CEP63: variants seen among roughly 807,000 people sequenced by gnomAD.
The protein encoded by CEP63 is centrosomal protein 63, also known as centrosomal protein of 63 kDa.
Under a neutral mutation model 89.1 loss-of-function variants are expected in CEP63, and 84 were observed. The ratio of observed to expected loss-of-function variants is 0.94; its 90% confidence interval spans 0.79 to 1.13. CEP63 has a LOEUF of 1.13. Among genes scored for constraint, CEP63 ranks in the 50% most tolerant of loss-of-function variants. The pLI, the probability that CEP63 is intolerant of heterozygous loss-of-function variation, is 0.00. For missense variants in CEP63, 838 were observed against 813.3 expected, an observed-to-expected ratio of 1.03 and a Z score of -0.37; for synonymous variants, 267 against 272.5, an observed-to-expected ratio of 0.98 and a Z score of 0.20.
the CEP63 span, among the ~76,000 whole-genome samples, chr3:134,769,486 T>G: frequency 6.6e-6 from 1 of 152,212 alleles, no homozygotes; most frequent in Admixed American, 6.5e-5. Context: ...ACCAATTTAC[T>G]TAAAATTTCT....
chr3:134,486,390 C>T, intron 1 of CEP63, 188 bp downstream of exon 1: 1 of 985,518 alleles, frequency 1.0e-6, no homozygotes, highest in Non-Finnish European at 1.2e-6. Context: ...AGGCGCGTCC[C>T]CGCCGGCTTG....
chr3:134,697,734 G>A, the CEP63 span, among the ~76,000 whole-genome samples: 152,304 of 152,338 alleles, frequency 1, 76,135 homozygotes, highest in Non-Finnish European at 1. Context: ...TCCCACGTTC[G>A]TGTCAACTGT....
chr3:134,775,807 G>T, the CEP63 span, among the ~76,000 whole-genome samples: 1 of 152,090 alleles, frequency 6.6e-6, no homozygotes, highest in African/African-American at 2.4e-5. Flanking sequence ...AGACAGTGAC[G>T]CTTCTCTCTC....
the CEP63 span, among the ~76,000 whole-genome samples, chr3:134,757,914 G>A: frequency 2.0e-5 from 3 of 152,094 alleles, no homozygotes; most frequent in African/African-American, 7.2e-5. Flanking sequence ...AGCAGAGAAG[G>A]TGCAGCCAGG....
At chr3:134,534,463 A>G (rs1255951198) in intron 5 of CEP63, among the ~76,000 whole-genome samples, 1 of 152,170 alleles carries the variant, frequency 6.6e-6, no homozygotes, top group Non-Finnish European at 1.5e-5. Flanking sequence ...ATCATTAACC[A>G]TCCCTTAAAA....
At chr3:134,769,028 A>C in the CEP63 span, among the ~76,000 whole-genome samples, 11,984 of 152,202 alleles carry the variant, frequency 0.079, 725 homozygotes, top group South Asian at 0.29. Flanking sequence ...CTATAACCTG[A>C]AGGAACCGGT....
the CEP63 span, among the ~76,000 whole-genome samples, chr3:134,741,134 C>T: frequency 6.6e-6 from 1 of 152,122 alleles, no homozygotes; most frequent in Non-Finnish European, 1.5e-5. Flanking sequence ...GCTCCTATGT[C>T]CCCACTCAGT....
chr3:134,724,609 A>G, the CEP63 span, among the ~76,000 whole-genome samples: 1 of 152,256 alleles, frequency 6.6e-6, no homozygotes, highest in Non-Finnish European at 1.5e-5. Context: ...TCTTCTGGCT[A>G]TTAGGCATAT....
At chr3:134,635,646 G>T in the CEP63 span, among the ~76,000 whole-genome samples, 3 of 152,150 alleles carry the variant, frequency 2.0e-5, no homozygotes, top group South Asian at 6.2e-4. Context: ...TCTGATGATG[G>T]TAACCACCAT....
the CEP63 span, among the ~76,000 whole-genome samples, chr3:134,652,353 C>A: frequency 1.3e-5 from 2 of 152,132 alleles, no homozygotes; most frequent in Admixed American, 6.5e-5. Flanking sequence ...GATGTCACAG[C>A]CACACTCTGA....
chr3:134,724,428 G>A, the CEP63 span, among the ~76,000 whole-genome samples: 1 of 152,160 alleles, frequency 6.6e-6, no homozygotes, highest in African/African-American at 2.4e-5. Context: ...GTCATTGCTG[G>A]CCATGTTGGT....
chr3:134,659,783 T>C, the CEP63 span, among the ~76,000 whole-genome samples: 2 of 152,138 alleles, frequency 1.3e-5, no homozygotes, highest in Non-Finnish European at 2.9e-5. Context: ...GCCTTTTGAT[T>C]ATTACTGTCG....
downstream of CEP63, among the ~76,000 whole-genome samples, chr3:134,579,337 A>G (rs1958291221): frequency 6.6e-6 from 1 of 152,106 alleles, no homozygotes; most frequent in African/African-American, 2.4e-5. Flanking sequence ...TGCTGGGTTT[A>G]TGTTTAACTT....
downstream of CEP63, among the ~76,000 whole-genome samples, chr3:134,588,164 G>A (rs369685105): frequency 4.3e-4 from 65 of 152,136 alleles, no homozygotes; most frequent in African/African-American, 1.3e-3. Context: ...GTGGTGGCAC[G>A]TACCTGTAAT....
At chr3:134,759,522 A>G in the CEP63 span, among the ~76,000 whole-genome samples, 6 of 152,236 alleles carry the variant, frequency 3.9e-5, no homozygotes, top group Non-Finnish European at 8.8e-5. Context: ...TTTGACCTGT[A>G]GCACCTGGAT....
chr3:134,598,304 C>T, the CEP63 span, among the ~76,000 whole-genome samples: 2 of 152,118 alleles, frequency 1.3e-5, no homozygotes, highest in Admixed American at 6.5e-5. Context: ...GACTGGGTGG[C>T]CTTGGCACCT....
the CEP63 span, among the ~76,000 whole-genome samples, chr3:134,736,489 T>C: frequency 6.6e-6 from 1 of 152,126 alleles, no homozygotes; most frequent in Non-Finnish European, 1.5e-5. Flanking sequence ...GTACAAAAAT[T>C]AGATGCACTC....
chr3:134,566,788 G>A (rs963854221), downstream of CEP63, among the ~76,000 whole-genome samples: 2 of 152,160 alleles, frequency 1.3e-5, no homozygotes, highest in African/African-American at 2.4e-5. Context: ...AAGTGTTGAA[G>A]ATGATGTGGA....
the CEP63 span, among the ~76,000 whole-genome samples, chr3:134,605,347 G>A: frequency 2.6e-5 from 4 of 152,098 alleles, no homozygotes; most frequent in Non-Finnish European, 5.9e-5. Flanking sequence ...AACCTCCCCA[G>A]CCCCGTTCAC....
Sources: gnomAD v4.1 joint callset for allele counts (sites outside exome capture counted in the v4.1 genomes callset) on GRCh38, gnomAD v4.1.1 for gene constraint, MANE v1.5 for transcripts, NCBI Gene and HGNC (gene_info 2026-07-23, HGNC 2026-07-21) for gene names.